DGKK: variants seen among roughly 807,000 people sequenced by gnomAD.
DGKK encodes the protein diacylglycerol kinase kappa, also known as 142 kDa diacylglycerol kinase.
A neutral mutation model predicts 92.2 loss-of-function variants in DGKK; 35 were observed. The ratio of observed to expected loss-of-function variants is 0.38; its 90% confidence interval spans 0.29 to 0.50. DGKK has a LOEUF of 0.50. Ranked by LOEUF, DGKK falls within the 20% of genes least tolerant of loss-of-function variation. The pLI is 0.92. For synonymous variants in DGKK, 368 were observed against 360.6 expected, an observed-to-expected ratio of 1.02 and a Z score of -0.23; for missense variants, 910 against 992.2, an observed-to-expected ratio of 0.92 and a Z score of 1.11.
At chrX:50,394,882 T>G (rs1924800917) in intron 8 of DGKK, among the ~76,000 whole-genome samples, 1 of 111,517 alleles carries the variant, frequency 9.0e-6, no homozygotes. Context: ...GAGATGAAAC[T>G]TGAATGAATG....
intron 8 of DGKK, among the ~76,000 whole-genome samples, chrX:50,395,025 G>C (rs868939068): frequency 5.0e-4 from 55 of 109,269 alleles, no homozygotes; most frequent in African/African-American, 1.8e-3. Flanking sequence ...TGGAGTGAGT[G>C]GGGGGGGAGT....
intron 10 of DGKK, among the ~76,000 whole-genome samples, chrX:50,392,028 G>A (rs1016306483): frequency 3.0e-5 from 3 of 99,590 alleles, no homozygotes; most frequent in East Asian, 5.9e-4. Flanking sequence ...AGGAGGGGAA[G>A]GAAATTGGGG....
At chrX:50,412,346 G>A (rs1278053154) in intron 4 of DGKK, among the ~76,000 whole-genome samples, 3 of 112,149 alleles carry the variant, frequency 2.7e-5, no homozygotes, top group Non-Finnish European at 5.6e-5. Flanking sequence ...TGTGTTCATG[G>A]ATTGGAAGAA....
intron 19 of DGKK, 77 bp from the exon 20 acceptor site, chrX:50,379,811 G>GGGC (rs1486869553): frequency 1.1e-6 from 1 of 951,366 alleles, no homozygotes. Context: ...GATGGGGAAA[G>GGGC]GGCTCTGTCT....
At chrX:50,447,120 A>C (rs1926328012) in intron 1 of DGKK, among the ~76,000 whole-genome samples, 1 of 100,858 alleles carries the variant, frequency 9.9e-6, no homozygotes, top group African/African-American at 3.6e-5. Context: ...TAAAATTACA[A>C]TTCCTCTTCA....
intron 8 of DGKK, 92 bp downstream of exon 8, chrX:50,400,945 A>C: frequency 1.2e-6 from 1 of 833,900 alleles, no homozygotes; most frequent in Non-Finnish European, 1.8e-6. Flanking sequence ...TGACTGGTTG[A>C]GGAGAATAAT....
chrX:50,367,866 T>C lies in DGKK; in HGVS notation c.*1074A>G, dbSNP rs1557222621. On this transcript the variant is annotated 3_prime_UTR_variant, in exon 28 of 28. Transcript: ENST00000611977. The stretch of plus-strand genomic sequence containing the variant: ...GGGGGCGTCAGAATCAGCTGGGCCA[T>C]AGATCCCAGCCACCTCTAAGACGCT... 1 of 109,936 alleles carries C rather than the reference T, an allele frequency of 9.1e-6. No homozygotes were observed. The highest frequency in any genetic ancestry group is 1.9e-5 in the Non-Finnish European group (1 of 52,684). 9.1% of individuals were successfully genotyped at this position (109,936 alleles called of 1,213,427 possible). A position where few individuals can be genotyped will look rare whatever the true frequency, so the allele number is the denominator to read the frequency against.
At position 50,375,020 on chromosome X, in the gene DGKK, C is replaced by T. The variant is rs1924234308; in HGVS notation, c.3452G>A (p.Ser1151Asn). ...GGTGTCATCGTAGAGACCTTTAAGA[C>T]TAAATGTAACATCTACGGCATCATT... ...SRNDAVDVTF[S>N]LKGLYDDTTA... Residue 1151 changes from serine (S) to asparagine (N), a missense_variant, in exon 25 of 28, where the codon AGT becomes AAT. Physicochemically the swap from Ser to Asn is conservative, Grantham distance 46. Coordinates refer to ENST00000611977, the MANE Select transcript of DGKK (RefSeq NM_001013742.4). The T allele has an allele frequency of 8.3e-7, 1 of 1,208,433 alleles. No individual in the cohort carries two copies. The highest frequency in any genetic ancestry group is 1.1e-6 in the Non-Finnish European group (1 of 893,297).
intron 1 of DGKK, among the ~76,000 whole-genome samples, chrX:50,431,167 A>T (rs1249314505): frequency 9.0e-6 from 1 of 110,830 alleles, no homozygotes; most frequent in Non-Finnish European, 1.9e-5. Flanking sequence ...AGTAGTCAAG[A>T]CTACAGGTGC....
At chrX:50,402,095 G>A (rs1485923919) in intron 7 of DGKK, among the ~76,000 whole-genome samples, 1 of 111,532 alleles carries the variant, frequency 9.0e-6, no homozygotes, top group Non-Finnish European at 1.9e-5. Flanking sequence ...TGGTTTAGAG[G>A]CATGGTAGTG....
chrX:50,425,875 A>G (rs890784669), intron 1 of DGKK, among the ~76,000 whole-genome samples: 5 of 112,094 alleles, frequency 4.5e-5, no homozygotes, highest in Non-Finnish European at 9.4e-5. Context: ...TGCTATAAGC[A>G]TTAATAATAT....
intron 1 of DGKK, among the ~76,000 whole-genome samples, chrX:50,431,962 C>T (rs1427619526): frequency 1.8e-5 from 2 of 111,786 alleles, no homozygotes; most frequent in Non-Finnish European, 3.8e-5. Flanking sequence ...CTCTGTGAGT[C>T]CCTTGTCACT....
At chrX:50,458,456 G>A (rs797025748) in intron 1 of DGKK, among the ~76,000 whole-genome samples, 1 of 108,849 alleles carries the variant, frequency 9.2e-6, no homozygotes, top group African/African-American at 3.3e-5. Context: ...AGAGAAAGCA[G>A]ATGAGACTTT....
chrX:50,403,131 G>A lies in DGKK; in HGVS notation c.1238C>T (p.Ala413Val). The A allele has an allele frequency of 8.3e-7, 1 of 1,207,177 alleles. No individual in the cohort carries two copies. Residue 413 changes from alanine to valine, a missense_variant, in exon 7 of 28, where the codon GCA becomes GTA. By Grantham distance (64) the Ala-to-Val change is moderately conservative. Transcript: ENST00000611977. ...ACTGCCACAGCTCTCATGACACACT[G>A]CACACTGAGAGCTGACAGGCATGTT... ...EGNMPVSSQC[A>V]VCHESCGSYQ...
At chrX:50,381,142 C>A (rs1302739613) in intron 18 of DGKK, among the ~76,000 whole-genome samples, 2 of 111,776 alleles carry the variant, frequency 1.8e-5, no homozygotes, top group African/African-American at 6.5e-5. Context: ...GGTGCCAACA[C>A]GATTCACTGG....
At chrX:50,443,704 T>TTGTG (rs58486620) in intron 1 of DGKK, among the ~76,000 whole-genome samples, 18,766 of 99,319 alleles carry the variant, frequency 0.19, 1,752 homozygotes, top group African/African-American at 0.3. Flanking sequence ...TGCACTCATT[T>TTGTG]TGTGTGTGTG....
intron 15 of DGKK, 88 bp downstream of exon 15, chrX:50,386,270 G>T: frequency 1.5e-6 from 1 of 660,477 alleles, no homozygotes; most frequent in Non-Finnish European, 2.4e-6. Context: ...GAGTCAGAGA[G>T]CAAACCCGGA....
chrX:50,459,361 C>G (rs913629985), intron 1 of DGKK, among the ~76,000 whole-genome samples: 13 of 111,039 alleles, frequency 1.2e-4, no homozygotes, highest in African/African-American at 4.3e-4. Context: ...AAAAAACAAC[C>G]TTTCAAGCTG....
At chrX:50,370,770 A>G (rs1159927938) in intron 26 of DGKK, among the ~76,000 whole-genome samples, 1 of 111,984 alleles carries the variant, frequency 8.9e-6, no homozygotes, top group Admixed American at 9.4e-5. Flanking sequence ...GCTAGCATTA[A>G]TAAATGCTCT....
Sources: gnomAD v4.1 joint callset for allele counts (sites outside exome capture counted in the v4.1 genomes callset) on GRCh38, gnomAD v4.1.1 for gene constraint, MANE v1.5 for transcripts, NCBI Gene and HGNC (gene_info 2026-07-23, HGNC 2026-07-21) for gene names.